Variants in FMN1 observed in about 807,000 individuals in gnomAD.
The protein encoded by FMN1 is formin-1.
A neutral mutation model predicts 132.4 loss-of-function variants in FMN1; 110 were observed. The observed-to-expected ratio is 0.83, with a 90% confidence interval of 0.71 to 0.97. The LOEUF is 0.97. Among genes scored for constraint, FMN1 ranks in the 50% least tolerant of loss-of-function variants. FMN1 has a pLI of 0.00. For missense variants in FMN1, 1,792 were observed against 1,705.3 expected (o/e 1.05, Z -0.90); for synonymous variants, 722 against 651.7 (o/e 1.11, Z -1.64).
rs920198781 is a variant in FMN1, at chr15:32,885,379, G to C, written c.3835+2793C>G. The stretch of plus-strand genomic sequence containing the variant: ...TTTTGAATGCCAAAACTTTCTGTCT[G>C]ATCTCCAATCAGATGTGGTGACTTC... On this transcript the variant is annotated intron_variant, in intron 16 of 20. Coordinates refer to ENST00000616417, the MANE Select transcript of FMN1 (RefSeq NM_001277313.2). Among the ~76,000 whole-genome samples the C allele has an allele frequency of 2.0e-5, 3 of 152,142 alleles. No homozygotes were observed. The East Asian group carries it at 5.8e-4, about 29-fold the overall frequency.
At chr15:32,908,774 G>C (rs924496593) in intron 11 of FMN1, among the ~76,000 whole-genome samples, 196 bp from the exon 12 acceptor site, 4 of 152,054 alleles carry the variant, frequency 2.6e-5, no homozygotes, top group Admixed American at 6.6e-5. Flanking sequence ...GGGTGGGGGT[G>C]GGGGGATGCA....
intron 4 of FMN1, among the ~76,000 whole-genome samples, chr15:33,123,118 C>T (rs1166740664): frequency 2.0e-5 from 3 of 150,964 alleles, no homozygotes; most frequent in African/African-American, 7.3e-5. Flanking sequence ...TTTCTTTCAA[C>T]GTCATATCGT....
chr15:33,123,174 T>TAAA (rs1330944154), intron 4 of FMN1, among the ~76,000 whole-genome samples: 1 of 151,644 alleles, frequency 6.6e-6, no homozygotes, highest in Non-Finnish European at 1.5e-5. Flanking sequence ...ATCCATCCAC[T>TAAA]TATTTCCAGG....
At chr15:32,813,838 T>A (rs1007645898) in intron 17 of FMN1, among the ~76,000 whole-genome samples, 16 of 152,236 alleles carry the variant, frequency 1.1e-4, no homozygotes, top group Non-Finnish European at 1.6e-4. Context: ...TTTTGACTAA[T>A]AATTTAATAA....
intron 2 of FMN1, among the ~76,000 whole-genome samples, chr15:33,187,448 T>C (rs1965925598): frequency 6.6e-6 from 1 of 152,154 alleles, no homozygotes; most frequent in Non-Finnish European, 1.5e-5. Context: ...AAGAGGCTTG[T>C]GGATGCTGGA....
chr15:33,181,126 T>C (rs1472119252), intron 2 of FMN1, among the ~76,000 whole-genome samples: 1 of 152,182 alleles, frequency 6.6e-6, no homozygotes, highest in Non-Finnish European at 1.5e-5. Context: ...CTGTTGATTT[T>C]TCCAGCTTAA....
At chr15:33,081,066 A>G (rs1055071926) in intron 5 of FMN1, among the ~76,000 whole-genome samples, 3 of 152,160 alleles carry the variant, frequency 2.0e-5, no homozygotes, top group Admixed American at 6.5e-5. Flanking sequence ...ACAGATGTAC[A>G]CTGCCTCACC....
intron 16 of FMN1, among the ~76,000 whole-genome samples, chr15:32,873,116 T>C (rs1360641147): frequency 1.3e-5 from 2 of 152,182 alleles, no homozygotes; most frequent in Admixed American, 1.3e-4. Context: ...TTTAAAAAAA[T>C]CCTATTCCAG....
Position 33,146,941 on chromosome 15 carries a change from G to A in FMN1, c.1867+6107C>T, listed in dbSNP as rs1294037226. ...TGTAATCCCAGAACTTTGGAAGGTC[G>A]AGGCGGGCAGATCACGAGGTCAGGA... On this transcript the variant is annotated intron_variant, in intron 4 of 20. Coordinates refer to ENST00000616417, the MANE Select transcript of FMN1 (RefSeq NM_001277313.2). Among the ~76,000 whole-genome samples, 10 of 152,046 alleles carry A rather than the reference G, an allele frequency of 6.6e-5. 1 individual carries two copies. The highest frequency in any genetic ancestry group is 6.5e-4 in the Admixed American group (10 of 15,270).
chr15:32,894,577 G>A (rs2060109414), intron 15 of FMN1, among the ~76,000 whole-genome samples: 2 of 151,658 alleles, frequency 1.3e-5, no homozygotes, highest in South Asian at 4.2e-4. Flanking sequence ...ATACATACAA[G>A]GCAGAATAAG....
rs373253409 is a variant in FMN1, at chr15:32,900,123, G to C, written c.3510C>G (p.Asp1170Glu). 1.2e-6 allele frequency: 2 copies of C among 1,613,562 alleles called. No homozygotes were observed. Among genetic ancestry groups the C allele is most frequent in the African/African-American group, 2.7e-5 (2 of 74,930 alleles). Residue 1170 changes from aspartate to glutamate, a missense_variant and splice_region_variant, in exon 14 of 21, where the codon GAC becomes GAG. Transcript: ENST00000616417. The stretch of plus-strand genomic sequence containing the variant: ...CCTTCACGCTCTTCACGTGCAGCAA[G>C]TCCTGTGATGGCAAACACCAGTTAT... ...KVEIITRASK[D>E]LLHVKSVKDI...
chr15:32,888,369 G>GAA, intron 15 of FMN1, 77 bp from the exon 16 acceptor site: 29 of 1,208,604 alleles, frequency 2.4e-5, no homozygotes, highest in Middle Eastern at 2.1e-4. Context: ...GCATCAATGA[G>GAA]AAAAAAAAAA....
chr15:33,058,793 T>C (rs988437205), intron 6 of FMN1, among the ~76,000 whole-genome samples: 1 of 152,182 alleles, frequency 6.6e-6, no homozygotes, highest in African/African-American at 2.4e-5. Context: ...TTGTATACCT[T>C]TACGGGGTAG....
chr15:33,101,895 C>G (rs1032441705), intron 4 of FMN1, among the ~76,000 whole-genome samples: 9 of 152,134 alleles, frequency 5.9e-5, no homozygotes, highest in Admixed American at 1.3e-4. Flanking sequence ...CGGCTTCCAG[C>G]TGTACTGGGC....
Position 32,857,801 on chromosome 15 carries a change from T to C in FMN1, c.3836-694A>G, listed in dbSNP as rs80150941. 1.0e-2 allele frequency among the ~76,000 whole-genome samples: 1,522 copies of C among 152,318 alleles called. 28 individuals are homozygous for C. The highest frequency in any genetic ancestry group is 0.035 in the African/African-American group (1,457 of 41,540). The stretch of plus-strand genomic sequence containing the variant: ...GACTTTTTAAAAATGACCTACCTTA[T>C]TGGATAGTTACGATTTGTCTACAGG... On this transcript the variant is annotated intron_variant, in intron 16 of 20. Transcript: ENST00000616417.
chr15:33,010,376 G>T (rs576075523), intron 6 of FMN1, among the ~76,000 whole-genome samples: 1 of 152,090 alleles, frequency 6.6e-6, no homozygotes, highest in Non-Finnish European at 1.5e-5. Context: ...AATGATATTA[G>T]ATATTATTCT....
chr15:33,017,821 T>A (rs936536612), intron 6 of FMN1, among the ~76,000 whole-genome samples: 1 of 152,228 alleles, frequency 6.6e-6, no homozygotes, highest in Non-Finnish European at 1.5e-5. Flanking sequence ...TCCCAGCACT[T>A]TGGGAGACTG....
intron 4 of FMN1, among the ~76,000 whole-genome samples, chr15:33,146,856 CAA>C (rs1232084230): frequency 1.3e-5 from 2 of 151,982 alleles, no homozygotes; most frequent in Non-Finnish European, 2.9e-5. Context: ...CTGCTGTTTT[CAA>C]AAAGTGCTTT....
At chr15:33,014,588 G>GA (rs1163009546) in intron 6 of FMN1, among the ~76,000 whole-genome samples, 1 of 152,138 alleles carries the variant, frequency 6.6e-6, no homozygotes, top group Non-Finnish European at 1.5e-5. Context: ...TGTAGTCCAT[G>GA]AAAGACAGAG....
Sources: allele counts gnomAD v4.1 joint callset (sites outside exome capture counted in the v4.1 genomes callset), GRCh38; gene constraint gnomAD v4.1.1; transcripts MANE v1.5; gene names NCBI Gene and HGNC (gene_info 2026-07-23, HGNC 2026-07-21).